The following STK32B variants were observed in gnomAD, a reference collection of about 807,000 sequenced individuals.
STK32B encodes the protein serine/threonine-protein kinase 32B.
Under a neutral mutation model 52.6 loss-of-function variants are expected in STK32B, and 43 were observed. The ratio of observed to expected loss-of-function variants is 0.82; its 90% CI spans 0.64 to 1.05. STK32B has a LOEUF of 1.05. Ranked by LOEUF, STK32B falls within the 50% of genes least tolerant of loss-of-function variation. STK32B has a pLI of 0.00. For missense variants in STK32B, 621 were observed against 534.6 expected (o/e 1.16, Z -1.59); for synonymous variants, 238 against 204.3 (o/e 1.17, Z -1.41).
At position 5,051,521 on chromosome 4, in the gene STK32B, C is replaced by A. The variant is rs1741778020; in HGVS notation, c.-343C>A. 3.0e-6 allele frequency: 1 copy of A among 331,392 alleles called. No individual in the cohort carries two copies. Among genetic ancestry groups the A allele is most frequent in the Non-Finnish European group, 5.4e-6 (1 of 184,030 alleles). The allele number at this position is 331,392 out of a possible 1,614,324, so 20.5% of individuals were successfully genotyped here. On this transcript the variant is annotated 5_prime_UTR_variant, in exon 1 of 12. Transcript: ENST00000282908. ...TGCTCCCGCGCCGCCTCGCGTCTCCCGCCCGCTGTAGCCGGCGAGGAGCGC... is the reference window on the plus strand; with the variant it reads ...TGCTCCCGCGCCGCCTCGCGTCTCCAGCCCGCTGTAGCCGGCGAGGAGCGC...
chr4:5,358,701 GCACA>G (rs59614605), intron 4 of STK32B, among the ~76,000 whole-genome samples: 18 of 106,798 alleles, frequency 1.7e-4, no homozygotes, highest in Middle Eastern at 4.7e-3. Context: ...TCACACACAT[GCACA>G]CACACACACA....
the STK32B span, among the ~76,000 whole-genome samples, chr4:5,046,446 A>T: frequency 6.6e-6 from 1 of 152,268 alleles, no homozygotes; most frequent in Non-Finnish European, 1.5e-5. Flanking sequence ...CATTCAGGAC[A>T]TAAGCATGGG....
At chr4:5,151,157 T>G (rs1037870653) in intron 2 of STK32B, among the ~76,000 whole-genome samples, 3 of 152,212 alleles carry the variant, frequency 2.0e-5, no homozygotes, top group African/African-American at 7.2e-5. Flanking sequence ...AGCAATTTCT[T>G]GATGACACGC....
rs200923374 is a variant in STK32B at position 5,115,339 on chromosome 4, GA to G, written c.53-24558del. ...GCATACTTCCCAGAGCCCCTGCCCT[GA>G]AAAAAAAGTCAGAGTTTGTGGGGTA... On this transcript the variant is annotated intron_variant, in intron 1 of 11. Coordinates refer to ENST00000282908, the MANE Select transcript of STK32B (RefSeq NM_018401.3). 5.3e-3 allele frequency among the ~76,000 whole-genome samples: 810 copies of G among 152,000 alleles called. 2 individuals carry two copies. The highest frequency in any genetic ancestry group is 0.011 in the South Asian group (54 of 4,812).
chr4:5,270,290 A>T (rs1727338527), intron 3 of STK32B, among the ~76,000 whole-genome samples: 2 of 152,284 alleles, frequency 1.3e-5, no homozygotes, highest in South Asian at 4.2e-4. Flanking sequence ...AAAGCTGAAG[A>T]ACTTGGAGTC....
chr4:5,287,908 A>C (rs1728655155), intron 3 of STK32B, among the ~76,000 whole-genome samples: 1 of 152,186 alleles, frequency 6.6e-6, no homozygotes, highest in Non-Finnish European at 1.5e-5. Flanking sequence ...CTCCATTAGC[A>C]GTCACTGTTG....
chr4:5,309,890 G>T (rs577876835), intron 3 of STK32B, among the ~76,000 whole-genome samples: 1 of 152,296 alleles, frequency 6.6e-6, no homozygotes, highest in South Asian at 2.1e-4. Context: ...ATGGGGCTGG[G>T]TGTGGTAGCT....
In STK32B at chr4:5,395,949, A is replaced by G. The variant is rs1435102164; in HGVS notation, c.435-2258A>G. On this transcript the variant is annotated intron_variant, in intron 4 of 11. Coordinates refer to ENST00000282908, the MANE Select transcript of STK32B (RefSeq NM_018401.3). The surrounding 1 kb of genome is among the most constrained non-coding windows in gnomAD (Gnocchi z 4.4). ...GATATGAGACAATGTGCGCCGGTGC[A>G]ATGTGGATGTGGGGGCGTGGCCAGG... Among the ~76,000 whole-genome samples, 2 of 152,266 alleles carry G rather than the reference A, an allele frequency of 1.3e-5. No homozygotes were observed. Among genetic ancestry groups the G allele is most frequent in the Admixed American group, 1.3e-4 (2 of 15,302 alleles).
intron 6 of STK32B, among the ~76,000 whole-genome samples, chr4:5,434,520 AATGT>A (rs1713876456): frequency 6.6e-6 from 1 of 151,768 alleles, no homozygotes; most frequent in Non-Finnish European, 1.5e-5. Flanking sequence ...ATTGCTGGAA[AATGT>A]ATGGCCTTTG....
intron 3 of STK32B, among the ~76,000 whole-genome samples, chr4:5,227,948 G>C (rs970064225): frequency 1.3e-5 from 2 of 152,126 alleles, no homozygotes; most frequent in Non-Finnish European, 2.9e-5. Flanking sequence ...CCATCACTGA[G>C]TTCACAGTAT....
At chr4:5,434,432 A>ATGTGTGTGTG (rs544048239) in intron 6 of STK32B, among the ~76,000 whole-genome samples, 5 of 145,708 alleles carry the variant, frequency 3.4e-5, no homozygotes, top group African/African-American at 1.3e-4. Context: ...GTGTGCATGT[A>ATGTGTGTGTG]TGTGTGTGTG....
At chr4:5,442,288 C>T (rs981970671) in intron 6 of STK32B, among the ~76,000 whole-genome samples, 2 of 151,578 alleles carry the variant, frequency 1.3e-5, no homozygotes, top group Non-Finnish European at 2.9e-5. Context: ...CTTGGTGCTC[C>T]TGTATTGGTT....
chr4:5,486,815 C>CTT, intron 11 of STK32B, among the ~76,000 whole-genome samples: 1 of 152,276 alleles, frequency 6.6e-6, no homozygotes, highest in Middle Eastern at 3.4e-3. Flanking sequence ...ATTGGCTGGT[C>CTT]TTTAAGTATG....
intron 4 of STK32B, among the ~76,000 whole-genome samples, chr4:5,363,509 G>C (rs538429082): frequency 4.5e-4 from 68 of 152,134 alleles, no homozygotes; most frequent in Non-Finnish European, 6.8e-4. Flanking sequence ...TCCAGACTTG[G>C]TGCCAGGTTC....
chr4:5,042,855 C>T, the STK32B span, among the ~76,000 whole-genome samples: 1 of 152,090 alleles, frequency 6.6e-6, no homozygotes, highest in East Asian at 1.9e-4. Context: ...GCCTGTAATC[C>T]CAGCACTTTG....
intron 3 of STK32B, among the ~76,000 whole-genome samples, chr4:5,328,188 A>G (rs1732000742): frequency 6.6e-6 from 1 of 152,254 alleles, no homozygotes; most frequent in South Asian, 2.1e-4. Flanking sequence ...TGTCTAGACC[A>G]CTAAAATTTC....
At chr4:5,160,220 C>A (rs956845601) in intron 2 of STK32B, among the ~76,000 whole-genome samples, 8 of 152,214 alleles carry the variant, frequency 5.3e-5, no homozygotes, top group Non-Finnish European at 8.8e-5. Flanking sequence ...CTTTGCACAT[C>A]TCCACAATGT....
At chr4:5,439,785 G>T (rs1406924099) in intron 6 of STK32B, among the ~76,000 whole-genome samples, 1 of 151,906 alleles carries the variant, frequency 6.6e-6, no homozygotes, top group African/African-American at 2.4e-5. Context: ...TTTGTATAAG[G>T]TGTAAGGAAG....
intron 3 of STK32B, among the ~76,000 whole-genome samples, chr4:5,217,344 T>C (rs1310186542): frequency 6.6e-6 from 1 of 152,188 alleles, no homozygotes; most frequent in Non-Finnish European, 1.5e-5. Context: ...TCATTCTGCA[T>C]TTTATGAGAA....
Sources: gnomAD v4.1 joint callset for allele counts (sites outside exome capture counted in the v4.1 genomes callset) on GRCh38, gnomAD v4.1.1 for gene constraint, Gnocchi (gnomAD v3.1) non-coding constraint, MANE v1.5 for transcripts, NCBI Gene and HGNC (gene_info 2026-07-23, HGNC 2026-07-21) for gene names.